Variants in SEMA3D observed in about 807,000 individuals in gnomAD.
SEMA3D encodes the protein semaphorin-3D.
Under a neutral mutation model 100.1 loss-of-function variants are expected in SEMA3D, and 84 were observed. The ratio of observed to expected loss-of-function variants is 0.84; its 90% CI spans 0.70 to 1.01. The LOEUF (loss-of-function observed/expected upper bound fraction) is 1.01, where lower values mean the gene tolerates loss of function less well. Ranked by LOEUF, SEMA3D falls within the 50% of genes least tolerant of loss-of-function variation. SEMA3D has a pLI of 0.00. For missense variants in SEMA3D, 875 were observed against 934.1 expected, an observed-to-expected ratio of 0.94 and a Z score of 0.82; for synonymous variants, 312 against 320.7, an observed-to-expected ratio of 0.97 and a Z score of 0.29.
the SEMA3D span, among the ~76,000 whole-genome samples, chr7:85,223,546 G>A: frequency 6.6e-6 from 1 of 151,886 alleles, no homozygotes; most frequent in Non-Finnish European, 1.5e-5. Flanking sequence ...ATTTGTGTGT[G>A]TGTGTGTGTG....
chr7:85,208,899 G>T, the SEMA3D span, among the ~76,000 whole-genome samples: 12 of 151,974 alleles, frequency 7.9e-5, no homozygotes, highest in Non-Finnish European at 1.8e-4. Context: ...GGGTAACTTA[G>T]TTTTAGATTT....
At chr7:85,142,919 C>A (rs1562833435) in intron 2 of SEMA3D, 1 of 985,032 alleles carries the variant, frequency 1.0e-6, no homozygotes, top group Non-Finnish European at 1.2e-6. Context: ...CTCTGGGAAT[C>A]CCAAATGCTG....
intron 3 of SEMA3D, among the ~76,000 whole-genome samples, chr7:85,113,621 A>G (rs1262125243): frequency 6.6e-6 from 1 of 151,244 alleles, no homozygotes; most frequent in Non-Finnish European, 1.5e-5. Context: ...AAATACAAAA[A>G]TTAGCTGGGC....
At chr7:85,238,179 C>T in the SEMA3D span, among the ~76,000 whole-genome samples, 2,877 of 152,136 alleles carry the variant, frequency 0.019, 101 homozygotes, top group African/African-American at 0.066. Context: ...ATCAGATGTA[C>T]CTTATGCAAA....
the SEMA3D span, among the ~76,000 whole-genome samples, chr7:85,241,467 G>GTATATATATATATATATATATATATA: frequency 6.2e-4 from 57 of 91,922 alleles, no homozygotes; most frequent in African/African-American, 2.4e-3. Flanking sequence ...CTGTGTGTGT[G>GTATATATATATATATATATATATATA]TATATATATA....
At chr7:85,102,024 G>A (rs1256977264) in intron 3 of SEMA3D, among the ~76,000 whole-genome samples, 5 of 152,102 alleles carry the variant, frequency 3.3e-5, no homozygotes, top group South Asian at 4.1e-4. Flanking sequence ...GGTTAAGGTC[G>A]TGAGATTAGT....
At chr7:85,197,751 C>A in the SEMA3D span, among the ~76,000 whole-genome samples, 3 of 152,200 alleles carry the variant, frequency 2.0e-5, no homozygotes, top group African/African-American at 7.2e-5. Flanking sequence ...TTTTAATAAC[C>A]TATAACCCTG....
chr7:85,217,567 A>G, the SEMA3D span, among the ~76,000 whole-genome samples: 7 of 152,082 alleles, frequency 4.6e-5, no homozygotes, highest in Non-Finnish European at 7.4e-5. Flanking sequence ...GATTTAGCCA[A>G]TGGACTGGAG....
At chr7:85,010,502 T>C (rs1789921120) in intron 17 of SEMA3D, among the ~76,000 whole-genome samples, 1 of 151,726 alleles carries the variant, frequency 6.6e-6, no homozygotes, top group Admixed American at 6.6e-5. Context: ...TCAGTTAGGC[T>C]GGCATCTGTG....
intron 11 of SEMA3D, 142 bp from the exon 12 acceptor site, chr7:85,037,175 A>G: frequency 4.4e-6 from 3 of 674,816 alleles, no homozygotes; most frequent in Non-Finnish European, 7.2e-6. Flanking sequence ...CAATGTGCCT[A>G]CGTCCTCAAG....
chr7:85,082,410 T>A (rs1423637694), intron 4 of SEMA3D, among the ~76,000 whole-genome samples: 1 of 152,266 alleles, frequency 6.6e-6, no homozygotes, highest in East Asian at 1.9e-4. Context: ...GTAAGAAAGT[T>A]TTTGCAAAAT....
At chr7:85,226,683 T>C in the SEMA3D span, among the ~76,000 whole-genome samples, 1 of 135,240 alleles carries the variant, frequency 7.4e-6, no homozygotes, top group Non-Finnish European at 1.6e-5. Context: ...AAGATGAGGA[T>C]TTTTTTTTTT....
At chr7:85,043,196 A>C (rs1166553110) in intron 9 of SEMA3D, among the ~76,000 whole-genome samples, 1 of 152,160 alleles carries the variant, frequency 6.6e-6, no homozygotes, top group East Asian at 1.9e-4. Flanking sequence ...CATCTCTACA[A>C]AAATTTTAAA....
chr7:85,067,945 C>T (rs906531959), intron 7 of SEMA3D, among the ~76,000 whole-genome samples: 5 of 152,200 alleles, frequency 3.3e-5, no homozygotes, highest in African/African-American at 1.2e-4. Context: ...TGTTCTTTGA[C>T]ATTATAAATA....
intron 1 of SEMA3D, among the ~76,000 whole-genome samples, chr7:85,177,883 A>G (rs1474911254): frequency 1.3e-5 from 2 of 152,204 alleles, no homozygotes; most frequent in Non-Finnish European, 2.9e-5. Context: ...CCCAAATTTC[A>G]TCTTGAATTG....
intron 12 of SEMA3D, chr7:85,028,734 G>T: frequency 5.1e-6 from 1 of 194,408 alleles, no homozygotes; most frequent in Non-Finnish European, 1.1e-5. Flanking sequence ...GCCCAATTTG[G>T]AGAATTGAAT....
chr7:85,202,327 C>T, the SEMA3D span, among the ~76,000 whole-genome samples: 28,092 of 150,642 alleles, frequency 0.19, 2,776 homozygotes, highest in Non-Finnish European at 0.23. Flanking sequence ...TTTGTTCCTG[C>T]GATAGCTTAC....
chr7:85,145,915 T>A (rs180841904), intron 2 of SEMA3D, among the ~76,000 whole-genome samples: 1 of 152,296 alleles, frequency 6.6e-6, no homozygotes, highest in Non-Finnish European at 1.5e-5. Flanking sequence ...CCAGATTACT[T>A]ATAAAACCTA....
intron 1 of SEMA3D, among the ~76,000 whole-genome samples, chr7:85,173,994 T>C (rs1317417280): frequency 6.6e-6 from 1 of 152,126 alleles, no homozygotes; most frequent in Non-Finnish European, 1.5e-5. Context: ...AAATATTGAG[T>C]AATCAGGACT....
Sources: allele counts gnomAD v4.1 joint callset (sites outside exome capture counted in the v4.1 genomes callset), GRCh38; gene constraint gnomAD v4.1.1; transcripts MANE v1.5; gene names NCBI Gene and HGNC (gene_info 2026-07-23, HGNC 2026-07-21).